PLEKHA8: variants seen among roughly 807,000 people sequenced by gnomAD.
PLEKHA8 encodes pleckstrin homology domain-containing family A member 8.
In PLEKHA8, 36 loss-of-function variants were observed where a neutral mutation model predicts 68.2. That is an observed-to-expected ratio of 0.53 (90% CI 0.40 to 0.70). The LOEUF (loss-of-function observed/expected upper bound fraction) is 0.70, where lower values mean the gene tolerates loss of function less well. PLEKHA8 is among the 30% of genes least tolerant of loss of function. The probability of loss-of-function intolerance (pLI) is 0.00; values close to 1 mark genes in which losing one functional copy is unlikely to be tolerated. For missense variants in PLEKHA8, 505 were observed against 615.4 expected (o/e 0.82, Z 1.90); for synonymous variants, 211 against 216.1 (o/e 0.98, Z 0.20).
At chr7:30,114,315 T>C (rs1796360584) in intron 13 of PLEKHA8, among the ~76,000 whole-genome samples, 1 of 152,266 alleles carries the variant, frequency 6.6e-6, no homozygotes, top group Non-Finnish European at 1.5e-5. Context: ...CCCATTGATA[T>C]AGATACCATT....
At chr7:30,085,912 A>C (rs189602098), downstream of PLEKHA8, among the ~76,000 whole-genome samples, 12 of 152,330 alleles carry the variant, frequency 7.9e-5, no homozygotes, top group East Asian at 2.3e-3. Flanking sequence ...TGTAGTAGCC[A>C]GGGACACCAG....
intron 13 of PLEKHA8, among the ~76,000 whole-genome samples, chr7:30,110,907 GTTGT>G (rs1183958684): frequency 6.7e-6 from 1 of 148,592 alleles, no homozygotes; most frequent in African/African-American, 2.5e-5. Flanking sequence ...TTATTTTGAG[GTTGT>G]TTTTTTTTTT....
In PLEKHA8 at chr7:30,055,348, AT is replaced by A; in HGVS notation, c.1039+8del. The A allele has an allele frequency of 6.2e-7, 1 of 1,612,572 alleles. No individual in the cohort carries two copies. The highest frequency in any genetic ancestry group is 8.5e-7 in the Non-Finnish European group (1 of 1,178,544). ...TGCTGTGGTTCCAGTATTAGGTAAG[AT>A]TCCTGCAGTTGCCTTACATTCATTC... is the stretch of plus-strand genomic sequence containing the variant. On this transcript the variant is annotated splice_region_variant and intron_variant, in intron 9 of 13. Coordinates refer to ENST00000449726, the MANE Select transcript of PLEKHA8 (RefSeq NM_001197026.2).
In PLEKHA8 at chr7:30,060,378, C is replaced by T. The variant is rs1472135003; in HGVS notation, c.1040-506C>T. On this transcript the variant is annotated intron_variant, in intron 9 of 13. Transcript: ENST00000449726. ...GCTTGAACCTGGGAGGTGGAGGTTG[C>T]AGTGAGCCGAGATCATGCTACTCCA... is the stretch of plus-strand genomic sequence containing the variant. Among the ~76,000 whole-genome samples, 3 of 152,120 alleles carry T rather than the reference C, an allele frequency of 2.0e-5. No individual in the cohort carries two copies. In the East Asian group the frequency reaches 5.8e-4, roughly 29 times the overall value.
chr7:30,101,230 A>G (rs1269303314), intron 13 of PLEKHA8, among the ~76,000 whole-genome samples: 1 of 152,198 alleles, frequency 6.6e-6, no homozygotes, highest in African/African-American at 2.4e-5. Context: ...GCATTTCTAC[A>G]TACCAACAAA....
At chr7:30,053,088 A>C (rs955054579) in intron 7 of PLEKHA8, among the ~76,000 whole-genome samples, 1 of 152,216 alleles carries the variant, frequency 6.6e-6, no homozygotes, top group East Asian at 1.9e-4. Context: ...ATTCCTGCTC[A>C]GTGTTCTTGG....
chr7:30,044,657 T>A (rs980788755), intron 1 of PLEKHA8, among the ~76,000 whole-genome samples: 1 of 152,242 alleles, frequency 6.6e-6, no homozygotes, highest in Non-Finnish European at 1.5e-5. Flanking sequence ...TTTGGATAAT[T>A]TTTCTTAGAA....
intron 12 of PLEKHA8, among the ~76,000 whole-genome samples, chr7:30,073,824 C>T (rs887247347): frequency 6.6e-6 from 1 of 151,740 alleles, no homozygotes; most frequent in African/African-American, 2.4e-5. Context: ...CTCATCTCTA[C>T]AAAAAATTAA....
downstream of PLEKHA8, among the ~76,000 whole-genome samples, chr7:30,093,788 C>T (rs1051756045): frequency 3.3e-5 from 5 of 152,242 alleles, no homozygotes; most frequent in African/African-American, 4.8e-5. Flanking sequence ...GTACTCAGCT[C>T]CAAGCAGCTC....
downstream of PLEKHA8, chr7:30,129,508 T>C (rs866412438): frequency 6.3e-5 from 39 of 623,340 alleles, no homozygotes; most frequent in African/African-American, 6.2e-4. Flanking sequence ...ATGAATGCAA[T>C]TTCTAATTGA....
downstream of PLEKHA8, chr7:30,130,464 T>C (rs1409235985): frequency 2.6e-5 from 4 of 152,166 alleles, no homozygotes. Context: ...TTCAAATGAA[T>C]AAAGAAGCTA....
intron 13 of PLEKHA8, among the ~76,000 whole-genome samples, chr7:30,111,324 T>G (rs1796268000): frequency 6.6e-6 from 1 of 152,194 alleles, no homozygotes; most frequent in African/African-American, 2.4e-5. Flanking sequence ...ACTATTAATA[T>G]TAGCAGTTTA....
chr7:30,047,209 T>C (rs1792029149), intron 3 of PLEKHA8, among the ~76,000 whole-genome samples: 1 of 152,172 alleles, frequency 6.6e-6, no homozygotes, highest in African/African-American at 2.4e-5. Context: ...CAGATAGTAA[T>C]GTGCACTTTT....
intron 13 of PLEKHA8, among the ~76,000 whole-genome samples, chr7:30,119,727 C>T (rs1042649366): frequency 4.6e-5 from 7 of 152,216 alleles, no homozygotes; most frequent in African/African-American, 1.7e-4. Flanking sequence ...CCTGTTTTAA[C>T]TGTAATTGAC....
intron 4 of PLEKHA8, among the ~76,000 whole-genome samples, chr7:30,048,569 A>G (rs1036673012): frequency 7.9e-5 from 12 of 152,246 alleles, no homozygotes; most frequent in African/African-American, 2.7e-4. Context: ...AACATATATT[A>G]AAAGATTTCT....
At chr7:30,055,446 C>A (rs1792769114) in intron 9 of PLEKHA8, 104 bp downstream of exon 9, 2 of 987,728 alleles carry the variant, frequency 2.0e-6, no homozygotes, top group Non-Finnish European at 3.2e-6. Context: ...AGTGAGATGA[C>A]CCTTGGCTAT....
At chr7:30,096,035 A>G (rs1283623751) in intron 13 of PLEKHA8, among the ~76,000 whole-genome samples, 1 of 152,150 alleles carries the variant, frequency 6.6e-6, no homozygotes, top group African/African-American at 2.4e-5. Context: ...TGTGAAGTCT[A>G]AAGTAGTTTT....
At chr7:30,071,333 C>T (rs1562530166) in intron 12 of PLEKHA8, among the ~76,000 whole-genome samples, 1 of 152,166 alleles carries the variant, frequency 6.6e-6, no homozygotes, top group East Asian at 1.9e-4. Flanking sequence ...CTCACCATCG[C>T]CCAGCATGCC....
chr7:30,081,696 C>T lies in PLEKHA8; in HGVS notation c.*2909C>T, dbSNP rs1454012112. 1.5e-5 allele frequency: 15 copies of T among 985,052 alleles called. No individual in the cohort carries two copies. In the South Asian group the frequency reaches 2.3e-4, roughly 15 times the overall value. 61.0% of individuals were successfully genotyped at this position (985,052 alleles called of 1,614,324 possible). ...AGCATTTTTAGGATTATTTTTCTAG[C>T]GTAACCTTTAGAGAGAACTGGAAGA... On this transcript the variant is annotated 3_prime_UTR_variant, in exon 14 of 14. Transcript: ENST00000449726.
Sources: allele counts gnomAD v4.1 joint callset (sites outside exome capture counted in the v4.1 genomes callset), GRCh38; gene constraint gnomAD v4.1.1; transcripts MANE v1.5; gene names NCBI Gene and HGNC (gene_info 2026-07-23, HGNC 2026-07-21).